NHSL1: variants seen among roughly 807,000 people sequenced by gnomAD.
NHSL1 encodes NHS like 1.
In NHSL1, 48 loss-of-function variants were observed where a neutral mutation model predicts 95.0. The observed-to-expected ratio is 0.51, with a 90% CI of 0.40 to 0.64. NHSL1 has a LOEUF of 0.64. Among genes scored for constraint, NHSL1 ranks in the 30% least tolerant of loss-of-function variants. The pLI is 0.00. For synonymous variants in NHSL1, 783 were observed against 833.9 expected (o/e 0.94, Z 1.05); for missense variants, 1,971 against 2,077.7 (o/e 0.95, Z 1.00).
chr6:138,680,956 C>A (rs970065343), intron 1 of NHSL1, among the ~76,000 whole-genome samples: 1 of 152,176 alleles, frequency 6.6e-6, no homozygotes, highest in Admixed American at 6.5e-5. Context: ...TTAATCATCT[C>A]TTGGGAAGCT....
chr6:138,630,674 G>A (rs373382244), intron 1 of NHSL1, among the ~76,000 whole-genome samples: 99 of 152,090 alleles, frequency 6.5e-4, no homozygotes, highest in Non-Finnish European at 1.3e-3. Context: ...CGTGAGTAAC[G>A]CACCCAGCCT....
chr6:138,564,596 G>A lies in NHSL1; in HGVS notation c.202+7114C>T, dbSNP rs75853683. On this transcript the variant is annotated intron_variant, in intron 1 of 6. Coordinates refer to the NHSL1 transcript ENST00000427025. ...CAAAGCACCATTTAATCGAGTCCCA[G>A]ATGTGTTAAGTTTACCCATTCAGCA... Among the ~76,000 whole-genome samples, 230 of 151,750 alleles carry A rather than the reference G, an allele frequency of 1.5e-3. 1 individual carries two copies. Among genetic ancestry groups the A allele is most frequent in the Non-Finnish European group, 2.5e-3 (167 of 67,988 alleles).
At chr6:138,519,129 T>G (rs1036407853) in intron 1 of NHSL1, among the ~76,000 whole-genome samples, 1 of 152,048 alleles carries the variant, frequency 6.6e-6, no homozygotes, top group Non-Finnish European at 1.5e-5. Flanking sequence ...AAAATATAAC[T>G]TTTCTGAGCA....
At chr6:138,448,828 G>A (rs1054852894) in intron 3 of NHSL1, among the ~76,000 whole-genome samples, 40 of 152,018 alleles carry the variant, frequency 2.6e-4, no homozygotes, top group African/African-American at 8.7e-4. Flanking sequence ...CGAGGTGGGC[G>A]GATCACCTGA....
chr6:138,644,298 C>T (rs573237634), intron 1 of NHSL1, among the ~76,000 whole-genome samples: 9 of 152,164 alleles, frequency 5.9e-5, no homozygotes, highest in African/African-American at 2.2e-4. Flanking sequence ...GTCAGGAGTT[C>T]GAGACCAGTC....
At chr6:138,561,309 G>A (rs376727400) in intron 1 of NHSL1, among the ~76,000 whole-genome samples, 1 of 152,144 alleles carries the variant, frequency 6.6e-6, no homozygotes, top group Non-Finnish European at 1.5e-5. Flanking sequence ...AAGCGGTGGC[G>A]GGTGCGGGGC....
chr6:138,431,000 G>A lies in NHSL1; in HGVS notation c.3345C>T (p.Phe1115=). The change falls in exon 6 of 8, where the codon TTC becomes TTT. Residue 1115 remains phenylalanine, a synonymous_variant. Transcript: ENST00000343505. This position sits in a 1 kb window ranked among gnomAD's most constrained non-coding sequence, Gnocchi z 4.7. ...APQYHLKPSA[F]LKSRNSTNEM... ...CATTTGTGCTATTTCGGGATTTCAG[G>A]AAAGCAGATGGCTTTAAGTGGTACT... is the stretch of plus-strand genomic sequence containing the variant. 1 of 1,552,284 alleles carries A rather than the reference G, an allele frequency of 6.4e-7. No individual in the cohort carries two copies.
chr6:138,555,632 C>T (rs113737628), intron 1 of NHSL1, among the ~76,000 whole-genome samples: 1 of 152,150 alleles, frequency 6.6e-6, no homozygotes, highest in East Asian at 1.9e-4. Context: ...CATGAGAAAG[C>T]CTGTTTTCAG....
intron 2 of NHSL1, among the ~76,000 whole-genome samples, chr6:138,473,970 A>G (rs1583253817): frequency 6.6e-6 from 1 of 152,158 alleles, no homozygotes; most frequent in Admixed American, 6.5e-5. Context: ...TTGATGTCAA[A>G]CAGCCTGTAA....
At chr6:138,529,898 G>A (rs898677290) in intron 1 of NHSL1, among the ~76,000 whole-genome samples, 1 of 152,164 alleles carries the variant, frequency 6.6e-6, no homozygotes, top group African/African-American at 2.4e-5. Context: ...GCCATGTAGT[G>A]TAACATACTG....
In NHSL1 at chr6:138,471,001, C is replaced by T. The variant is rs536831028; in HGVS notation, c.339+2305G>A. On this transcript the variant is annotated intron_variant, in intron 3 of 7. Coordinates refer to ENST00000343505, the MANE Select transcript of NHSL1 (RefSeq NM_001144060.2). ...TGACTTTTATATATATTCCCTTATA[C>T]ACGACCATTTTCTTCGCACTCATTT... Among the ~76,000 whole-genome samples the T allele has an allele frequency of 2.0e-5, 3 of 152,226 alleles. No homozygotes were observed. The South Asian group carries it at 6.2e-4, about 32-fold the overall frequency.
intron 1 of NHSL1, among the ~76,000 whole-genome samples, chr6:138,665,609 A>C (rs1015272042): frequency 3.9e-5 from 6 of 152,232 alleles, no homozygotes; most frequent in Non-Finnish European, 7.3e-5. Context: ...TGAACACAAT[A>C]ACTTATCAAT....
At chr6:138,441,036 G>A (rs949101798) in intron 5 of NHSL1, among the ~76,000 whole-genome samples, 2 of 152,180 alleles carry the variant, frequency 1.3e-5, no homozygotes, top group Non-Finnish European at 2.9e-5. Flanking sequence ...GTAGTACCAG[G>A]TACTAACCAA....
At chr6:138,504,756 T>C (rs1205798270) in intron 1 of NHSL1, among the ~76,000 whole-genome samples, 1 of 152,194 alleles carries the variant, frequency 6.6e-6, no homozygotes, top group African/African-American at 2.4e-5. Flanking sequence ...TAGGTTTGAA[T>C]AGGATTGACC....
intron 1 of NHSL1, among the ~76,000 whole-genome samples, chr6:138,626,490 A>G (rs1177463815): frequency 1.3e-5 from 2 of 152,198 alleles, no homozygotes; most frequent in Non-Finnish European, 2.9e-5. Context: ...CATCCATTAA[A>G]ACACAGAATT....
chr6:138,615,928 G>C (rs1583450872), intron 1 of NHSL1, among the ~76,000 whole-genome samples: 1 of 152,242 alleles, frequency 6.6e-6, no homozygotes, highest in East Asian at 1.9e-4. Context: ...AGGCGCTTAT[G>C]TCTGTAGTCC....
chr6:138,638,747 C>T (rs918151651), intron 1 of NHSL1, among the ~76,000 whole-genome samples: 5 of 152,196 alleles, frequency 3.3e-5, no homozygotes, highest in Non-Finnish European at 2.9e-5. Flanking sequence ...TTTCATTGCA[C>T]TAACTTCCAA....
chr6:138,545,948 C>T, upstream of NHSL1: 1 of 470,964 alleles, frequency 2.1e-6, no homozygotes, highest in South Asian at 9.0e-5. Flanking sequence ...AAGGGCGAGC[C>T]CATTTGTTTG....
intron 1 of NHSL1, among the ~76,000 whole-genome samples, chr6:138,677,728 T>C (rs1276809648): frequency 2.0e-5 from 3 of 152,194 alleles, no homozygotes; most frequent in African/African-American, 4.8e-5. Flanking sequence ...ATACTGCAAA[T>C]GGTATTCTCA....
Sources: allele counts gnomAD v4.1 joint callset (sites outside exome capture counted in the v4.1 genomes callset), GRCh38; gene constraint gnomAD v4.1.1; non-coding constraint Gnocchi (gnomAD v3.1); transcripts MANE v1.5; gene names NCBI Gene and HGNC (gene_info 2026-07-23, HGNC 2026-07-21).